The following FAF1 variants were observed in gnomAD, a reference collection of about 807,000 sequenced individuals.
FAF1 encodes FAS-associated factor 1.
In FAF1, 25 loss-of-function variants were observed where a neutral mutation model predicts 92.5. The observed-to-expected ratio is 0.27, with a 90% confidence interval of 0.20 to 0.38. The LOEUF is 0.38. Ranked by LOEUF, FAF1 falls within the 10% of genes least tolerant of loss-of-function variation. The probability of loss-of-function intolerance (pLI) is 1.00; values close to 1 mark genes in which losing one functional copy is unlikely to be tolerated. For missense variants in FAF1, 636 were observed against 793.3 expected (o/e 0.80, Z 2.38); for synonymous variants, 234 against 273.2 (o/e 0.86, Z 1.42).
chr1:50,799,043 C>A (rs571818595), intron 3 of FAF1, among the ~76,000 whole-genome samples: 1 of 152,220 alleles, frequency 6.6e-6, no homozygotes, highest in African/African-American at 2.4e-5. Context: ...AACTCCTGAC[C>A]GCGAGTGATC....
intron 18 of FAF1, among the ~76,000 whole-genome samples, chr1:50,471,992 CG>C (rs1646578907): frequency 1.3e-5 from 2 of 151,974 alleles, no homozygotes; most frequent in East Asian, 1.9e-4. Flanking sequence ...GGAGAGAAAA[CG>C]GAAGATAAGG....
intron 8 of FAF1, among the ~76,000 whole-genome samples, chr1:50,600,898 T>C (rs1347757564): frequency 6.6e-6 from 1 of 152,214 alleles, no homozygotes; most frequent in Admixed American, 6.5e-5. Context: ...TTATCTTAAA[T>C]ATTATTTTCT....
intron 15 of FAF1, among the ~76,000 whole-genome samples, chr1:50,518,325 A>G (rs763062103): frequency 1.2e-4 from 18 of 152,148 alleles, no homozygotes; most frequent in Admixed American, 1.0e-3. Context: ...CAGTATGCTT[A>G]TTCGTTTAAC....
At chr1:50,658,118 T>G (rs1440114857) in intron 7 of FAF1, among the ~76,000 whole-genome samples, 1 of 152,146 alleles carries the variant, frequency 6.6e-6, no homozygotes, top group Non-Finnish European at 1.5e-5. Context: ...CCGAGAGTGT[T>G]ACGTTAATAA....
intron 6 of FAF1, among the ~76,000 whole-genome samples, chr1:50,729,056 A>ATTTTTTT (rs1481654972): frequency 1.4e-4 from 15 of 105,788 alleles, no homozygotes; most frequent in African/African-American, 6.3e-4. Context: ...ATATATATAT[A>ATTTTTTT]TATTTTTTTT....
At chr1:50,892,433 G>T (rs1009606447) in intron 1 of FAF1, among the ~76,000 whole-genome samples, 1 of 152,130 alleles carries the variant, frequency 6.6e-6, no homozygotes, top group Admixed American at 6.5e-5. Flanking sequence ...CTTCTGTGTC[G>T]CTCACACTGG....
chr1:50,496,210 C>T (rs1399059560), intron 15 of FAF1, among the ~76,000 whole-genome samples: 1 of 152,130 alleles, frequency 6.6e-6, no homozygotes, highest in Non-Finnish European at 1.5e-5. Flanking sequence ...ACATAGAACA[C>T]TTATTGGTTT....
At chr1:50,475,719 A>C (rs756131264) in intron 17 of FAF1, 40 bp from the exon 18 acceptor site, 18 of 1,431,740 alleles carry the variant, frequency 1.3e-5, no homozygotes, top group Non-Finnish European at 1.7e-5. Flanking sequence ...TGTGAGAAGG[A>C]CTGGACTATG....
At chr1:50,692,669 C>T (rs2124396727) in intron 7 of FAF1, among the ~76,000 whole-genome samples, 1 of 152,292 alleles carries the variant, frequency 6.6e-6, no homozygotes. Flanking sequence ...CACATGATCT[C>T]TATCCATGTA....
intron 15 of FAF1, among the ~76,000 whole-genome samples, chr1:50,507,469 TG>T (rs1647072669): frequency 6.6e-6 from 1 of 152,194 alleles, no homozygotes; most frequent in African/African-American, 2.4e-5. Context: ...CCAGGTACAG[TG>T]GCTCATGCCT....
chr1:50,458,360 T>C (rs1262727912), intron 18 of FAF1, among the ~76,000 whole-genome samples: 3 of 152,334 alleles, frequency 2.0e-5, no homozygotes, highest in South Asian at 4.1e-4. Flanking sequence ...CTGGACAATA[T>C]TGAGAAATTT....
chr1:50,479,258 T>TA (rs1646673097), intron 17 of FAF1, among the ~76,000 whole-genome samples: 2 of 144,266 alleles, frequency 1.4e-5, no homozygotes, highest in African/African-American at 4.9e-5. Context: ...CACACTGCTC[T>TA]ACCTTCCTCT....
intron 8 of FAF1, chr1:50,612,400 T>A (rs528005499): frequency 3.2e-5 from 38 of 1,199,462 alleles, no homozygotes; most frequent in Non-Finnish European, 4.0e-5. Context: ...GAAACCTCAT[T>A]ATTTTAGAGA....
chr1:50,678,010 G>C (rs980707088), intron 7 of FAF1, among the ~76,000 whole-genome samples: 2 of 151,818 alleles, frequency 1.3e-5, no homozygotes, highest in Non-Finnish European at 2.9e-5. Flanking sequence ...ATGTAGGCTA[G>C]AGGCAAAACA....
chr1:50,734,865 T>G (rs1659078078), intron 6 of FAF1, among the ~76,000 whole-genome samples: 2 of 152,180 alleles, frequency 1.3e-5, no homozygotes. Context: ...AAATAGAGAT[T>G]TGTAAGTTAT....
intron 2 of FAF1, among the ~76,000 whole-genome samples, chr1:50,830,631 G>T (rs1474042217): frequency 6.7e-6 from 1 of 150,072 alleles, no homozygotes; most frequent in South Asian, 2.1e-4. Context: ...ATTAGCCAGT[G>T]TATACTGTGG....
chr1:50,580,326 A>C (rs960602170), intron 12 of FAF1, among the ~76,000 whole-genome samples: 1 of 151,912 alleles, frequency 6.6e-6, no homozygotes, highest in Non-Finnish European at 1.5e-5. Flanking sequence ...CACAAATCCA[A>C]ATAAGTATAA....
chr1:50,466,256 G>A (rs1322802289), intron 18 of FAF1, among the ~76,000 whole-genome samples: 2 of 152,214 alleles, frequency 1.3e-5, no homozygotes, highest in African/African-American at 2.4e-5. Flanking sequence ...AGAGAAAGAG[G>A]AGTCAAGGAT....
intron 4 of FAF1, among the ~76,000 whole-genome samples, chr1:50,769,380 T>C (rs764926010): frequency 6.6e-6 from 1 of 152,154 alleles, no homozygotes; most frequent in Non-Finnish European, 1.5e-5. Flanking sequence ...GAGGAACTGG[T>C]ATTGTTCCTA....
Sources: allele counts gnomAD v4.1 joint callset (sites outside exome capture counted in the v4.1 genomes callset), GRCh38; gene constraint gnomAD v4.1.1; transcripts MANE v1.5; gene names NCBI Gene and HGNC (gene_info 2026-07-23, HGNC 2026-07-21).